The following ROBO2 variants were observed in gnomAD, a reference collection of about 807,000 sequenced individuals.
ROBO2 encodes the protein roundabout homolog 2.
Under a neutral mutation model 160.8 loss-of-function variants are expected in ROBO2, and 53 were observed. The observed-to-expected ratio is 0.33, with a 90% confidence interval of 0.26 to 0.41. The LOEUF (loss-of-function observed/expected upper bound fraction) is 0.41. Ranked by LOEUF, ROBO2 falls within the 10% of genes least tolerant of loss-of-function variation. The pLI is 1.00. For missense variants in ROBO2, 1,577 were observed against 1,722.4 expected, an observed-to-expected ratio of 0.92 and a Z score of 1.49; for synonymous variants, 664 against 611.7, an observed-to-expected ratio of 1.09 and a Z score of -1.26.
intron 2 of ROBO2, among the ~76,000 whole-genome samples, chr3:76,813,766 T>G (rs1039095637): frequency 2.0e-5 from 3 of 152,122 alleles, no homozygotes; most frequent in African/African-American, 7.2e-5. Flanking sequence ...TTTTTGGCAT[T>G]TTCTGCATTA....
At chr3:76,803,722 T>C (rs1040897015) in intron 2 of ROBO2, among the ~76,000 whole-genome samples, 2 of 152,178 alleles carry the variant, frequency 1.3e-5, no homozygotes, top group African/African-American at 4.8e-5. Flanking sequence ...ATCTTGTATT[T>C]ATTGGTCTTT....
At chr3:77,361,750 A>T (rs72897271) in intron 2 of ROBO2, among the ~76,000 whole-genome samples, 8,892 of 152,164 alleles carry the variant, frequency 0.058, 870 homozygotes, top group African/African-American at 0.2. Context: ...AGCAGTGGGG[A>T]TTAAGTTTCC....
intron 2 of ROBO2, among the ~76,000 whole-genome samples, chr3:76,683,321 C>G (rs2092609396): frequency 6.6e-6 from 1 of 151,758 alleles, no homozygotes; most frequent in African/African-American, 2.4e-5. Context: ...TTTAATATTA[C>G]AAATGACTGC....
At chr3:77,522,268 A>G (rs1359326013) in intron 5 of ROBO2, among the ~76,000 whole-genome samples, 1 of 151,240 alleles carries the variant, frequency 6.6e-6, no homozygotes, top group Admixed American at 6.6e-5. Context: ...TTATTTAAAA[A>G]TTGATTACAT....
chr3:77,551,654 G>A (rs578196277), intron 8 of ROBO2, among the ~76,000 whole-genome samples: 8 of 152,036 alleles, frequency 5.3e-5, no homozygotes, highest in Middle Eastern at 3.4e-3. Context: ...ACCTCTGAGC[G>A]TGAATTTAAT....
At chr3:76,070,832 C>T (rs1296391966) in intron 2 of ROBO2, among the ~76,000 whole-genome samples, 2 of 152,090 alleles carry the variant, frequency 1.3e-5, no homozygotes, top group Admixed American at 1.3e-4. Flanking sequence ...AAAGAACCTA[C>T]GGAATATCAG....
At chr3:76,515,930 T>C (rs544069455) in intron 2 of ROBO2, among the ~76,000 whole-genome samples, 7 of 152,278 alleles carry the variant, frequency 4.6e-5, no homozygotes, top group African/African-American at 1.4e-4. Context: ...GTTTTATATA[T>C]TGGCTGATGA....
At position 76,950,520 on chromosome 3, in the gene ROBO2, A is replaced by G. The variant is rs941231361; in HGVS notation, c.110-147494A>G. ...TATTTTATAAAATATGATAAGGTAA[A>G]TTATTAGAAAATAATTGTGAGCTGG... On this transcript the variant is annotated intron_variant, in intron 2 of 26. Transcript: ENST00000487694. 3.3e-5 allele frequency among the ~76,000 whole-genome samples: 5 copies of G among 152,192 alleles called. No individual in the cohort carries two copies. The East Asian group carries it at 9.6e-4, about 29-fold the overall frequency.
At chr3:76,264,274 T>A (rs564181473) in intron 2 of ROBO2, among the ~76,000 whole-genome samples, 1 of 150,722 alleles carries the variant, frequency 6.6e-6, no homozygotes, top group African/African-American at 2.4e-5. Flanking sequence ...AGTTACGCCA[T>A]AATTACAAAG....
intron 2 of ROBO2, among the ~76,000 whole-genome samples, chr3:77,138,814 G>C (rs947773375): frequency 6.6e-6 from 1 of 152,082 alleles, no homozygotes; most frequent in Admixed American, 6.6e-5. Context: ...CAATTGCAGA[G>C]TTTATGGAGG....
intron 2 of ROBO2, among the ~76,000 whole-genome samples, chr3:76,083,537 T>C (rs1041688200): frequency 6.6e-6 from 1 of 152,176 alleles, no homozygotes; most frequent in Non-Finnish European, 1.5e-5. Flanking sequence ...TAGTTTGTGA[T>C]TTTTGCATTT....
chr3:76,397,941 GA>G (rs1196998289), intron 2 of ROBO2, among the ~76,000 whole-genome samples: 1 of 152,076 alleles, frequency 6.6e-6, no homozygotes, highest in East Asian at 1.9e-4. Flanking sequence ...TCTAGAACTA[GA>G]AGTACCATTT....
chr3:76,959,945 T>A (rs2079531034), intron 2 of ROBO2, among the ~76,000 whole-genome samples: 1 of 150,632 alleles, frequency 6.6e-6, no homozygotes, highest in Non-Finnish European at 1.5e-5. Flanking sequence ...TCATAATTTA[T>A]CCATCTTTTT....
intron 2 of ROBO2, among the ~76,000 whole-genome samples, chr3:77,158,989 C>A (rs2150592533): frequency 6.6e-6 from 1 of 152,132 alleles, no homozygotes; most frequent in Non-Finnish European, 1.5e-5. Flanking sequence ...CATTAAGGGC[C>A]AGCTGACAGA....
chr3:76,065,890 T>C (rs1233102971), intron 2 of ROBO2, among the ~76,000 whole-genome samples: 64 of 151,910 alleles, frequency 4.2e-4, no homozygotes, highest in African/African-American at 1.5e-3. Flanking sequence ...ATTGAAAAAT[T>C]GTTCATCCCA....
At chr3:77,279,462 C>G (rs2060105947) in intron 2 of ROBO2, among the ~76,000 whole-genome samples, 1 of 151,954 alleles carries the variant, frequency 6.6e-6, no homozygotes, top group African/African-American at 2.4e-5. Flanking sequence ...TAGAAAATTC[C>G]ACTTAACTTG....
chr3:76,872,763 T>C (rs2072249657), intron 2 of ROBO2, among the ~76,000 whole-genome samples: 1 of 151,980 alleles, frequency 6.6e-6, no homozygotes, highest in Non-Finnish European at 1.5e-5. Flanking sequence ...TTTCTGCTTC[T>C]ATAAAATAAA....
intron 2 of ROBO2, among the ~76,000 whole-genome samples, chr3:76,759,488 A>G (rs2061175163): frequency 1.3e-5 from 2 of 151,750 alleles, no homozygotes; most frequent in African/African-American, 2.4e-5. Context: ...ACTTAAACAT[A>G]TATTAATATA....
intron 2 of ROBO2, among the ~76,000 whole-genome samples, chr3:76,442,465 C>G (rs2076969774): frequency 6.6e-6 from 1 of 152,060 alleles, no homozygotes; most frequent in African/African-American, 2.4e-5. Context: ...ATGGAGATGG[C>G]TCTTTACTGG....
Sources: gnomAD v4.1 joint callset for allele counts (sites outside exome capture counted in the v4.1 genomes callset) on GRCh38, gnomAD v4.1.1 for gene constraint, MANE v1.5 for transcripts, NCBI Gene and HGNC (gene_info 2026-07-23, HGNC 2026-07-21) for gene names.